GCH1: variants seen among roughly 807,000 people sequenced by gnomAD.
GCH1 encodes the protein GTP cyclohydrolase I.
A neutral mutation model predicts 25.9 loss-of-function variants in GCH1; 5 were observed. That is an observed-to-expected ratio of 0.19 (90% CI 0.10 to 0.41). The LOEUF (loss-of-function observed/expected upper bound fraction) is 0.41, where lower values mean the gene tolerates loss of function less well. Among genes scored for constraint, GCH1 ranks in the 10% least tolerant of loss-of-function variants. GCH1 has a pLI of 1.00. For missense variants in GCH1, 261 were observed against 336.5 expected (o/e 0.78, Z 1.75); for synonymous variants, 159 against 129.6 (o/e 1.23, Z -1.54).
At chr14:54,888,361 C>CA (rs1366913495) in intron 1 of GCH1, among the ~76,000 whole-genome samples, 1 of 152,132 alleles carries the variant, frequency 6.6e-6, no homozygotes, top group Non-Finnish European at 1.5e-5. Flanking sequence ...CTCGGCATGA[C>CA]AATTTAACTC....
At chr14:54,871,511 G>A (rs949181603) in intron 1 of GCH1, among the ~76,000 whole-genome samples, 2 of 152,186 alleles carry the variant, frequency 1.3e-5, no homozygotes, top group Non-Finnish European at 2.9e-5. Context: ...TGACTTTGAC[G>A]AATTGAGAGA....
chr14:54,877,382 A>G (rs1176623053), intron 1 of GCH1, among the ~76,000 whole-genome samples: 1 of 152,204 alleles, frequency 6.6e-6, no homozygotes, highest in Non-Finnish European at 1.5e-5. Context: ...CATGTCATTC[A>G]TAATTAAGCA....
intron 1 of GCH1, among the ~76,000 whole-genome samples, chr14:54,896,603 G>A (rs10131633): frequency 0.42 from 63,083 of 151,844 alleles, 14,401 homozygotes; most frequent in African/African-American, 0.62. Flanking sequence ...ACACAATTAT[G>A]CCTATAAAAC....
At chr14:54,871,221 A>G (rs4363781) in intron 1 of GCH1, among the ~76,000 whole-genome samples, 32,690 of 152,118 alleles carry the variant, frequency 0.21, 4,902 homozygotes, top group East Asian at 0.41. Flanking sequence ...CTCCGCTGCT[A>G]ATACCCAGGC....
rs2039594583 is a variant in GCH1, at chr14:54,843,721, A to G, written c.*296T>C. 1 of 1,611,592 alleles carries G rather than the reference A, an allele frequency of 6.2e-7. No homozygotes were observed. Among genetic ancestry groups the G allele is most frequent in the Admixed American group, 1.7e-5 (1 of 59,474 alleles). ...CTGTACTATTTGAAAAAAATACACTAATTCTTCTCCCTTCCCAGGCCCCTC... is the reference window on the plus strand; with the variant it reads ...CTGTACTATTTGAAAAAAATACACTGATTCTTCTCCCTTCCCAGGCCCCTC... On this transcript the variant is annotated 3_prime_UTR_variant, in exon 6 of 6. Coordinates refer to ENST00000491895, the MANE Select transcript of GCH1 (RefSeq NM_000161.3).
chr14:54,862,977 C>CA (rs1345475379), intron 2 of GCH1, among the ~76,000 whole-genome samples: 1 of 152,016 alleles, frequency 6.6e-6, no homozygotes, highest in Admixed American at 6.6e-5. Flanking sequence ...AATGTAAATA[C>CA]AAATGTGTGA....
intron 2 of GCH1, among the ~76,000 whole-genome samples, chr14:54,863,732 C>T (rs1289036784): frequency 2.6e-5 from 4 of 151,950 alleles, no homozygotes; most frequent in Non-Finnish European, 5.9e-5. Context: ...GAAAACGAAT[C>T]CATAGGGTTA....
At chr14:54,853,649 T>C in intron 3 of GCH1, among the ~76,000 whole-genome samples, 1 of 152,210 alleles carries the variant, frequency 6.6e-6, no homozygotes, top group East Asian at 1.9e-4. Flanking sequence ...GGACTAAACA[T>C]CCCTGGGTCA....
At chr14:54,870,446 C>G (rs1193308972) in intron 1 of GCH1, among the ~76,000 whole-genome samples, 4 of 151,012 alleles carry the variant, frequency 2.6e-5, no homozygotes, top group African/African-American at 9.7e-5. Context: ...CGGGTGATTT[C>G]TGCATTTCTA....
At chr14:54,888,027 A>G (rs1209231913) in intron 1 of GCH1, among the ~76,000 whole-genome samples, 2 of 152,224 alleles carry the variant, frequency 1.3e-5, no homozygotes, top group Non-Finnish European at 2.9e-5. Context: ...ACTGGTTATT[A>G]TTTTGGTAGA....
intron 1 of GCH1, among the ~76,000 whole-genome samples, chr14:54,894,579 G>T (rs183512427): frequency 6.6e-5 from 10 of 152,252 alleles, no homozygotes; most frequent in Admixed American, 6.5e-4. Flanking sequence ...TTGCTATAGT[G>T]AAGTTATGTA....
In GCH1 at chr14:54,843,957, C is replaced by A; in HGVS notation, c.*60G>T. On this transcript the variant is annotated 3_prime_UTR_variant, in exon 6 of 6. Coordinates refer to ENST00000491895, the MANE Select transcript of GCH1 (RefSeq NM_000161.3). ...AATGGAATGTACAAACAAGACCGGACAGACAGACAATGCTACTGGCAGTAC... is the reference window on the plus strand; with the variant it reads ...AATGGAATGTACAAACAAGACCGGAAAGACAGACAATGCTACTGGCAGTAC... 6.2e-7 allele frequency: 1 copy of A among 1,613,888 alleles called. No individual in the cohort carries two copies. The highest frequency in any genetic ancestry group is 1.1e-5 in the South Asian group (1 of 91,076).
At chr14:54,851,118 A>G (rs2039723903) in intron 3 of GCH1, among the ~76,000 whole-genome samples, 1 of 152,250 alleles carries the variant, frequency 6.6e-6, no homozygotes, top group Non-Finnish European at 1.5e-5. Flanking sequence ...AACATGACAA[A>G]AACAAGAAAT....
In GCH1 at chr14:54,880,175, A is replaced by G. The variant is rs149918054; in HGVS notation, c.344-14739T>C. Among the ~76,000 whole-genome samples, 812 of 150,220 alleles carry G rather than the reference A, an allele frequency of 5.4e-3. 1 individual carries two copies. Among genetic ancestry groups the G allele is most frequent in the South Asian group, 0.014 (66 of 4,788 alleles). On this transcript the variant is annotated intron_variant, in intron 1 of 5. Coordinates refer to ENST00000491895, the MANE Select transcript of GCH1 (RefSeq NM_000161.3). ...AAGAAAGTTAGGGACCAAATTCAGT[A>G]TAGTGGTTACCTCTGTAGTGAGATG...
chr14:54,873,405 A>C (rs2040110226), intron 1 of GCH1, among the ~76,000 whole-genome samples: 1 of 152,224 alleles, frequency 6.6e-6, no homozygotes, highest in Non-Finnish European at 1.5e-5. Flanking sequence ...AAGATCTAAA[A>C]TTGACACCCT....
chr14:54,885,183 C>A, intron 1 of GCH1: 1 of 215,580 alleles, frequency 4.6e-6, no homozygotes, highest in African/African-American at 2.3e-5. Context: ...GAAAGAACTC[C>A]TAACTCCAGC....
chr14:54,892,506 C>T (rs527824111), intron 1 of GCH1, among the ~76,000 whole-genome samples: 24 of 152,034 alleles, frequency 1.6e-4, no homozygotes, highest in African/African-American at 5.1e-4. Flanking sequence ...CTGGCCAACA[C>T]GGTGAAACCC....
At chr14:54,888,290 C>A (rs1270490591) in intron 1 of GCH1, among the ~76,000 whole-genome samples, 1 of 152,128 alleles carries the variant, frequency 6.6e-6, no homozygotes, top group Non-Finnish European at 1.5e-5. Flanking sequence ...TGCCTGTCAG[C>A]TGCTGGAAGT....
At position 54,844,031 on chromosome 14, in the gene GCH1, G is replaced by C; in HGVS notation, c.739C>G (p.Leu247Val). The change falls in exon 6 of 6, where the codon CTC becomes GTC. Residue 247 changes from leucine to valine, a missense_variant. Leu to Val is a conservative substitution (Grantham distance 32). Around this residue, in one of 3 missense-constraint regions of GCH1, gnomAD observed 130 missense variants for 184.1 expected, o/e 0.71. Transcript: ENST00000491895. ...CTGAATGAAGCTCAGCTCCTAATGA[G>C]AGTCAGGAACTCTTCCCGAGTCTTT... ...DPKTREEFLT[L>V]IRS is the part of the protein sequence containing the mutation. The C allele has an allele frequency of 1.2e-6, 2 of 1,614,086 alleles. No homozygotes were observed. Among genetic ancestry groups the C allele is most frequent in the Non-Finnish European group, 1.7e-6 (2 of 1,179,928 alleles).
Sources: gnomAD v4.1 joint callset for allele counts (sites outside exome capture counted in the v4.1 genomes callset) on GRCh38, gnomAD v4.1.1 for gene constraint, gnomAD v4.1.1 regional missense constraint, MANE v1.5 for transcripts, NCBI Gene and HGNC (gene_info 2026-07-23, HGNC 2026-07-21) for gene names.